Variants in WWC1 observed in about 807,000 individuals in gnomAD.
The protein encoded by WWC1 is protein KIBRA.
A neutral mutation model predicts 138.4 loss-of-function variants in WWC1; 55 were observed. The ratio of observed to expected loss-of-function variants is 0.40; its 90% confidence interval spans 0.32 to 0.50. The LOEUF (loss-of-function observed/expected upper bound fraction) is 0.50. Ranked by LOEUF, WWC1 falls within the 20% of genes least tolerant of loss-of-function variation. The probability of loss-of-function intolerance (pLI) is 0.72; values close to 1 mark genes in which losing one functional copy is unlikely to be tolerated. For synonymous variants in WWC1, 524 were observed against 564.9 expected (o/e 0.93, Z 1.03); for missense variants, 1,226 against 1,420.4 (o/e 0.86, Z 2.20).
intron 1 of WWC1, among the ~76,000 whole-genome samples, chr5:168,303,097 C>A (rs1018069854): frequency 6.6e-6 from 1 of 152,142 alleles, no homozygotes; most frequent in Non-Finnish European, 1.5e-5. Flanking sequence ...CTCAATTATC[C>A]CCGTTTTGCA....
At chr5:168,464,606 G>A in intron 20 of WWC1, 123 bp from the exon 21 acceptor site, 2 of 1,458,740 alleles carry the variant, frequency 1.4e-6, no homozygotes, top group African/African-American at 1.4e-5. Context: ...CCAGGGAAGG[G>A]CAAGCCCCAT....
At chr5:168,315,478 C>G (rs1241987572) in intron 1 of WWC1, among the ~76,000 whole-genome samples, 1 of 152,086 alleles carries the variant, frequency 6.6e-6, no homozygotes. Context: ...GCTGCCCCAC[C>G]TGGTGAACTT....
chr5:168,337,120 C>T (rs758041296), intron 1 of WWC1, among the ~76,000 whole-genome samples: 19 of 151,656 alleles, frequency 1.3e-4, no homozygotes, highest in East Asian at 3.9e-4. Flanking sequence ...CTCATACCAG[C>T]GGCCCAGCCA....
intron 21 of WWC1, 90 bp from the exon 22 acceptor site, chr5:168,467,750 C>T: frequency 1.3e-6 from 2 of 1,571,128 alleles, no homozygotes; most frequent in Non-Finnish European, 8.7e-7. Context: ...GCCGTCCCTA[C>T]AGTAGCCCCC....
At chr5:168,378,271 C>T (rs1266798094) in intron 2 of WWC1, among the ~76,000 whole-genome samples, 1 of 152,064 alleles carries the variant, frequency 6.6e-6, no homozygotes, top group Non-Finnish European at 1.5e-5. Flanking sequence ...GCAATAGGCA[C>T]TAGGGGCTAC....
In WWC1 at chr5:168,440,412, T is replaced by G. The variant is rs532357172; in HGVS notation, c.2281-1270T>G. Among the ~76,000 whole-genome samples, 9 of 152,338 alleles carry G rather than the reference T, an allele frequency of 5.9e-5. No homozygotes were observed. In the East Asian group the frequency reaches 1.3e-3, roughly 23 times the overall value. ...AAGGTAAACAGTGTAGTAGTTCCAC[T>G]AAAAAATTAAAAATGTAACTACCAT... On this transcript the variant is annotated intron_variant, in intron 15 of 22. Transcript: ENST00000265293.
chr5:168,301,896 A>G (rs1021347231), intron 1 of WWC1, among the ~76,000 whole-genome samples: 1 of 152,162 alleles, frequency 6.6e-6, no homozygotes, highest in Non-Finnish European at 1.5e-5. Context: ...CTGGCGGGCC[A>G]TGGCTCACCT....
At chr5:168,381,445 A>G (rs1490310696) in intron 2 of WWC1, among the ~76,000 whole-genome samples, 1 of 152,158 alleles carries the variant, frequency 6.6e-6, no homozygotes, top group Non-Finnish European at 1.5e-5. Context: ...AGCCTCAGTG[A>G]CCAATCGGCC....
chr5:168,461,668 C>G (rs1454705485), intron 20 of WWC1, among the ~76,000 whole-genome samples: 1 of 152,180 alleles, frequency 6.6e-6, no homozygotes, highest in Non-Finnish European at 1.5e-5. Context: ...GCAGGAGATG[C>G]AGGGGGCCCT....
chr5:168,333,104 C>T (rs1039964217), intron 1 of WWC1, among the ~76,000 whole-genome samples: 21 of 152,328 alleles, frequency 1.4e-4, no homozygotes, highest in African/African-American at 3.4e-4. Context: ...ATGGCACCCC[C>T]GGTGCCAGGC....
chr5:168,422,524 G>T (rs1781170822), intron 10 of WWC1, among the ~76,000 whole-genome samples: 1 of 152,196 alleles, frequency 6.6e-6, no homozygotes, highest in African/African-American at 2.4e-5. Context: ...GGCTGAGGTG[G>T]GAGGATGACT....
intron 1 of WWC1, among the ~76,000 whole-genome samples, chr5:168,315,776 G>A (rs1771534548): frequency 6.6e-6 from 1 of 152,112 alleles, no homozygotes; most frequent in Non-Finnish European, 1.5e-5. Flanking sequence ...CCGTTAAGAA[G>A]CTGTCACCTT....
chr5:168,410,022 A>T (rs1003303329), intron 8 of WWC1, 27 bp downstream of exon 8: 1 of 1,610,520 alleles, frequency 6.2e-7, no homozygotes, highest in Non-Finnish European at 8.5e-7. Context: ...TAGGGGCGGG[A>T]TGGTTCCAAA....
chr5:168,422,175 C>T (rs1781139966), intron 10 of WWC1, 78 bp downstream of exon 10: 1 of 1,379,082 alleles, frequency 7.3e-7, no homozygotes, highest in Non-Finnish European at 1.0e-6. Flanking sequence ...AGCCCAGGCT[C>T]TACCCTTCAC....
At chr5:168,454,519 G>A (rs372260272) in intron 18 of WWC1, among the ~76,000 whole-genome samples, 29 of 152,200 alleles carry the variant, frequency 1.9e-4, no homozygotes, top group Non-Finnish European at 3.7e-4. Context: ...TGCCCACAGC[G>A]CGACAGGAAA....
At chr5:168,463,836 G>A (rs1757020111) in intron 20 of WWC1, among the ~76,000 whole-genome samples, 1 of 152,166 alleles carries the variant, frequency 6.6e-6, no homozygotes, top group Non-Finnish European at 1.5e-5. Context: ...CTTTCTCATG[G>A]CATTGCTCCC....
intron 1 of WWC1, among the ~76,000 whole-genome samples, chr5:168,370,645 T>G (rs1415948068): frequency 6.6e-6 from 1 of 152,216 alleles, no homozygotes; most frequent in Non-Finnish European, 1.5e-5. Flanking sequence ...CTTCCCATAC[T>G]CTGGTTTAAA....
At chr5:168,302,972 C>T (rs1770230075) in intron 1 of WWC1, among the ~76,000 whole-genome samples, 2 of 152,020 alleles carry the variant, frequency 1.3e-5, no homozygotes, top group Admixed American at 1.3e-4. Flanking sequence ...TGGATGGGGC[C>T]CAAGAATGTG....
At chr5:168,310,933 A>G (rs1286607867) in intron 1 of WWC1, among the ~76,000 whole-genome samples, 1 of 152,210 alleles carries the variant, frequency 6.6e-6, no homozygotes, top group African/African-American at 2.4e-5. Context: ...ACATAACCAC[A>G]CTAGTTCATG....
Sources: allele counts gnomAD v4.1 joint callset (sites outside exome capture counted in the v4.1 genomes callset), GRCh38; gene constraint gnomAD v4.1.1; transcripts MANE v1.5; gene names NCBI Gene and HGNC (gene_info 2026-07-23, HGNC 2026-07-21).